FRY: variants seen among roughly 807,000 people sequenced by gnomAD.
FRY encodes FRY microtubule binding protein.
Under a neutral mutation model 348.4 loss-of-function variants are expected in FRY, and 128 were observed. The ratio of observed to expected loss-of-function variants is 0.37; its 90% CI spans 0.32 to 0.43. The LOEUF is 0.43. Among genes scored for constraint, FRY ranks in the 20% least tolerant of loss-of-function variants. FRY has a pLI of 1.00. For synonymous variants in FRY, 1,370 were observed against 1,374.7 expected (o/e 1.00, Z 0.08); for missense variants, 2,736 against 3,695.2 (o/e 0.74, Z 6.73).
intron 11 of FRY, among the ~76,000 whole-genome samples, chr13:32,145,502 C>A (rs1304751973): frequency 6.6e-6 from 1 of 150,732 alleles, no homozygotes; most frequent in Non-Finnish European, 1.5e-5. Context: ...TGATGAAACC[C>A]ACACTCCCCT....
At position 32,265,534 on chromosome 13, in the gene FRY, G is replaced by A. The variant is rs768897530; in HGVS notation, c.7864G>A (p.Glu2622Lys). 3.1e-6 allele frequency: 5 copies of A among 1,614,204 alleles called. No individual in the cohort carries two copies. Among genetic ancestry groups the A allele is most frequent in the Non-Finnish European group, 4.2e-6 (5 of 1,180,028 alleles). ...SSINELPAAF[E>K]CSDSFSLDMT... ...CATCAATGAACTCCCAGCAGCTTTT[G>A]AATGCAGCGACAGCTTTAGCCTGGA... The change falls in exon 54 of 61, where the codon GAA becomes AAA. Residue 2622 changes from glutamate (E) to lysine (K), a missense_variant. Glu to Lys is a moderately conservative substitution (Grantham distance 56). This residue lies in a region of FRY where 789 missense variants were observed against 996.2 expected (regional missense o/e 0.79). Transcript: ENST00000542859.
rs142552563 is a variant in FRY, at chr13:32,036,649, C to T, written c.70+4784C>T. ...TTATGCTGAGACACTGGGTGCAAAC[C>T]GGGACTGCCCTCAGCAAAGGACGCC... On this transcript the variant is annotated intron_variant, in intron 1 of 60. Coordinates refer to ENST00000542859, the MANE Select transcript of FRY (RefSeq NM_023037.3). 4.1e-3 allele frequency among the ~76,000 whole-genome samples: 620 copies of T among 151,902 alleles called. 7 individuals carry two copies. Among genetic ancestry groups the T allele is most frequent in the African/African-American group, 0.014 (591 of 41,422 alleles).
chr13:32,265,694 T>C (rs1887887527), intron 54 of FRY, 78 bp downstream of exon 54: 8 of 1,388,510 alleles, frequency 5.8e-6, no homozygotes, highest in Non-Finnish European at 5.0e-6. Context: ...AAGTTAAGTG[T>C]CACAGTTGCA....
At chr13:32,171,301 ATTCT>A in intron 18 of FRY, 31 bp downstream of exon 18, 514 of 662,356 alleles carry the variant, frequency 7.8e-4, no homozygotes, top group Non-Finnish European at 1.1e-3. Flanking sequence ...ATGAATTTAT[ATTCT>A]TTTTTTTTTT....
In FRY at chr13:32,135,078, A is replaced by G; in HGVS notation, c.979-7A>G. The stretch of plus-strand genomic sequence containing the variant: ...TAATATAATATTCACATGCATCTCT[A>G]TTTCAGGCTGTTAAAAATGAAGTAA... On this transcript the variant is annotated splice_polypyrimidine_tract_variant and splice_region_variant and intron_variant, in intron 9 of 60. Coordinates refer to ENST00000542859, the MANE Select transcript of FRY (RefSeq NM_023037.3). 1 of 1,592,790 alleles carries G rather than the reference A, an allele frequency of 6.3e-7. No individual in the cohort carries two copies. The highest frequency in any genetic ancestry group is 8.6e-7 in the Non-Finnish European group (1 of 1,160,630).
In FRY at chr13:32,184,990, T is replaced by G. The variant is rs1882946173; in HGVS notation, c.3161T>G (p.Leu1054Arg). 1 of 1,613,918 alleles carries G rather than the reference T, an allele frequency of 6.2e-7. No homozygotes were observed. Among genetic ancestry groups the G allele is most frequent in the Non-Finnish European group, 8.5e-7 (1 of 1,179,832 alleles). Reference sequence around the variant, plus strand: ...CTTTATTCCAGCACAAATGGAGCCCTAGAGCGGGATACTTTAGCCCTGGGA... The same window carrying G: ...CTTTATTCCAGCACAAATGGAGCCCGAGAGCGGGATACTTTAGCCCTGGGA... ...GVISDSTNGA[L>R]ERDTLALGAL... is the part of the protein sequence containing the mutation. Residue 1054 changes from leucine to arginine, a missense_variant, in exon 26 of 61, where the codon CTA becomes CGA. Coordinates refer to ENST00000542859, the MANE Select transcript of FRY (RefSeq NM_023037.3).
chr13:32,186,199 A>T, intron 26 of FRY, 61 bp from the exon 27 acceptor site: 1 of 1,196,908 alleles, frequency 8.4e-7, no homozygotes, highest in Non-Finnish European at 1.3e-6. Context: ...TAAGAAATAT[A>T]TATAATAGCG....
At chr13:32,271,831 G>T (rs1486940005) in intron 55 of FRY, among the ~76,000 whole-genome samples, 1 of 152,178 alleles carries the variant, frequency 6.6e-6, no homozygotes, top group East Asian at 1.9e-4. Flanking sequence ...AGCATCCACT[G>T]TCCAGAGAGC....
rs1878370704 is a variant in FRY, at chr13:32,117,455, C to T, written c.446C>T (p.Thr149Ile). ...EDESHEYRPR[T>I]SNKSKSDEQQ... ...GAATCACATGAATACAGACCAAGAA[C>T]AAGCAATAAATCAAAAAGGTACATT... Residue 149 changes from threonine (T) to isoleucine (I), a missense_variant, in exon 4 of 61, where the codon ACA (threonine) becomes ATA (isoleucine). This residue lies in a region of FRY where 309 missense variants were observed against 418.1 expected (regional missense o/e 0.74). Transcript: ENST00000542859. 1.2e-6 allele frequency: 2 copies of T among 1,613,504 alleles called. No individual in the cohort carries two copies. Among genetic ancestry groups the T allele is most frequent in the African/African-American group, 1.3e-5 (1 of 74,884 alleles).
intron 4 of FRY, among the ~76,000 whole-genome samples, chr13:32,120,747 C>T (rs1053095493): frequency 6.6e-6 from 1 of 152,182 alleles, no homozygotes; most frequent in African/African-American, 2.4e-5. Context: ...CTGCAACCTC[C>T]ACCTCCCAGG....
chr13:32,188,233 C>A (rs1262280901), intron 28 of FRY, among the ~76,000 whole-genome samples: 1 of 152,042 alleles, frequency 6.6e-6, no homozygotes, highest in Non-Finnish European at 1.5e-5. Flanking sequence ...AGACATTTTT[C>A]GAAGTCTTTG....
intron 1 of FRY, among the ~76,000 whole-genome samples, chr13:32,032,178 T>G (rs539549063): frequency 6.6e-6 from 1 of 152,192 alleles, no homozygotes; most frequent in Non-Finnish European, 1.5e-5. Flanking sequence ...CTTCAGACTC[T>G]GGGGGAGCTC....
rs1049708181 is a variant in FRY, at chr13:32,231,297, T to C, written c.5524T>C (p.Ser1842Pro). The C allele has an allele frequency of 6.8e-6, 11 of 1,613,336 alleles. No homozygotes were observed. The highest frequency in any genetic ancestry group is 8.5e-6 in the Non-Finnish European group (10 of 1,179,372). The change falls in exon 41 of 61, where the codon TCA becomes CCA. Residue 1842 changes from serine to proline, a missense_variant. Transcript: ENST00000542859. ...TGTATCTGTATTTAAAGATTCCAAA[T>C]CAGGTACTTCATCTTATTTGCACAG... ...HVVSVFKDSK[S>P]GFHLEHQLSE...
chr13:32,056,294 A>G (rs990384264), intron 1 of FRY, among the ~76,000 whole-genome samples: 1 of 152,126 alleles, frequency 6.6e-6, no homozygotes, highest in African/African-American at 2.4e-5. Context: ...TCTGTGCCCA[A>G]TAAGTATCAT....
chr13:32,206,237 T>G (rs902421637), intron 31 of FRY, among the ~76,000 whole-genome samples: 3 of 152,060 alleles, frequency 2.0e-5, no homozygotes, highest in African/African-American at 4.8e-5. Context: ...CCCCCACTTT[T>G]GCAGACTGGT....
chr13:32,228,905 G>A (rs1885759681), intron 40 of FRY, among the ~76,000 whole-genome samples: 1 of 152,218 alleles, frequency 6.6e-6, no homozygotes, highest in Admixed American at 6.5e-5. Flanking sequence ...AGGGGATTTT[G>A]TGGATAATGA....
rs867996021 is a variant in FRY at position 32,269,699 on chromosome 13, A to T, written c.8136+2340A>T. Among the ~76,000 whole-genome samples the T allele has an allele frequency of 4.1e-3, 120 of 29,336 alleles. 2 individuals are homozygous for T. In the East Asian group the frequency reaches 0.35, roughly 86 times the overall value. The allele number at this position is 29,336 out of a possible 152,430, so 19.2% of individuals were successfully genotyped here. ...AAAGTGAGACTCCATCTCCATTTTA[A>T]AAAAAAAAAAAGATAACTTATTAAT... On this transcript the variant is annotated intron_variant, in intron 55 of 60. Transcript: ENST00000542859.
intron 17 of FRY, among the ~76,000 whole-genome samples, chr13:32,167,048 T>C (rs1006413799): frequency 1.3e-5 from 2 of 152,032 alleles, no homozygotes; most frequent in African/African-American, 4.8e-5. Context: ...TTAAAACAGA[T>C]TCTAGATTGC....
chr13:32,166,145 A>G (rs781496987), intron 17 of FRY, among the ~76,000 whole-genome samples: 1 of 152,182 alleles, frequency 6.6e-6, no homozygotes, highest in African/African-American at 2.4e-5. Flanking sequence ...GGTTTCTTTT[A>G]TTTTAGGCTT....
Sources: allele counts gnomAD v4.1 joint callset (sites outside exome capture counted in the v4.1 genomes callset), GRCh38; gene constraint gnomAD v4.1.1; regional missense constraint gnomAD v4.1.1; transcripts MANE v1.5; gene names NCBI Gene and HGNC (gene_info 2026-07-23, HGNC 2026-07-21).